Variants in NAALADL2 observed in about 807,000 individuals in gnomAD.
The protein encoded by NAALADL2 is inactive N-acetylated-alpha-linked acidic dipeptidase-like protein 2.
Under a neutral mutation model 87.2 loss-of-function variants are expected in NAALADL2, and 76 were observed. The ratio of observed to expected loss-of-function variants is 0.87; its 90% CI spans 0.72 to 1.05. The LOEUF is 1.05. NAALADL2 is among the 50% of genes least tolerant of loss of function. The pLI is 0.00. For missense variants in NAALADL2, 1,089 were observed against 945.8 expected (o/e 1.15, Z -1.99); for synonymous variants, 354 against 331.0 (o/e 1.07, Z -0.75).
At chr3:175,058,298 T>A (rs1012701147) in intron 1 of NAALADL2, among the ~76,000 whole-genome samples, 1 of 152,116 alleles carries the variant, frequency 6.6e-6, no homozygotes, top group African/African-American at 2.4e-5. Context: ...TTTTGGTTGA[T>A]TAAGTATTCA....
At chr3:175,415,579 C>T (rs1271163018) in intron 5 of NAALADL2, among the ~76,000 whole-genome samples, 1 of 151,864 alleles carries the variant, frequency 6.6e-6, no homozygotes, top group Non-Finnish European at 1.5e-5. Context: ...ATAAAAAATA[C>T]CAAACACATG....
intron 5 of NAALADL2, among the ~76,000 whole-genome samples, chr3:175,350,805 A>G (rs568646130): frequency 1.2e-3 from 186 of 152,256 alleles, no homozygotes; most frequent in Middle Eastern, 6.8e-3. Flanking sequence ...CCTCTGGGGA[A>G]ATGTGTTTGT....
At chr3:175,008,869 T>C (rs9852749) in intron 1 of NAALADL2, among the ~76,000 whole-genome samples, 24,295 of 152,070 alleles carry the variant, frequency 0.16, 2,390 homozygotes, top group African/African-American at 0.28. Context: ...GCAAACCGAG[T>C]ACCCTAAGTT....
intron 3 of NAALADL2, among the ~76,000 whole-genome samples, chr3:174,829,686 G>A (rs1378168803): frequency 4.9e-5 from 7 of 142,528 alleles, no homozygotes; most frequent in Non-Finnish European, 7.6e-5. Flanking sequence ...CTGAGGAATC[G>A]CCACACTGAC....
At chr3:175,561,195 G>C (rs980036160) in intron 9 of NAALADL2, among the ~76,000 whole-genome samples, 1 of 152,086 alleles carries the variant, frequency 6.6e-6, no homozygotes, top group Admixed American at 6.6e-5. Context: ...AGAATACAAA[G>C]ATACCAAAAT....
intron 9 of NAALADL2, among the ~76,000 whole-genome samples, chr3:175,548,536 T>C (rs1225941503): frequency 6.6e-6 from 1 of 151,984 alleles, no homozygotes; most frequent in Non-Finnish European, 1.5e-5. Context: ...CTTGCATTTG[T>C]ACCTCTGAAC....
intron 9 of NAALADL2, among the ~76,000 whole-genome samples, chr3:175,481,061 G>T (rs912565362): frequency 6.6e-6 from 1 of 151,782 alleles, no homozygotes; most frequent in African/African-American, 2.4e-5. Flanking sequence ...AATGCGATCT[G>T]TAATTTTTTC....
chr3:174,980,558 A>G (rs1163205246), intron 1 of NAALADL2, among the ~76,000 whole-genome samples: 1 of 152,196 alleles, frequency 6.6e-6, no homozygotes, highest in Non-Finnish European at 1.5e-5. Context: ...GAATCATGAA[A>G]TATTTTCCGA....
intron 10 of NAALADL2, among the ~76,000 whole-genome samples, chr3:175,621,884 G>T (rs993679904): frequency 7.9e-5 from 12 of 152,100 alleles, no homozygotes; most frequent in African/African-American, 2.9e-4. Flanking sequence ...TACCTAAGTA[G>T]ACACTGGCTG....
chr3:174,545,992 T>G lies in NAALADL2; in HGVS notation c.-183-4577T>G, dbSNP rs914040202. Among the ~76,000 whole-genome samples, 8 of 151,878 alleles carry G rather than the reference T, an allele frequency of 5.3e-5. No individual in the cohort carries two copies. The East Asian group carries it at 7.8e-4, about 15-fold the overall frequency. On this transcript the variant is annotated intron_variant, in intron 1 of 3. Transcript: ENST00000434257. ...CTGTTTCTTCCTGTTTTCCTTTTTT[T>G]CTGCTTGTTTTTTTTGGTCTTTTTC...
intron 1 of NAALADL2, among the ~76,000 whole-genome samples, chr3:175,000,860 T>C (rs1185294180): frequency 6.6e-6 from 1 of 152,202 alleles, no homozygotes; most frequent in Non-Finnish European, 1.5e-5. Context: ...TTTTTACATA[T>C]ATAGAAACTT....
intron 13 of NAALADL2, among the ~76,000 whole-genome samples, chr3:175,781,535 T>C (rs1751068449): frequency 7.3e-6 from 1 of 136,934 alleles, no homozygotes; most frequent in African/African-American, 2.8e-5. Flanking sequence ...CTAGTTTATG[T>C]ACTTACTATA....
At chr3:175,103,698 T>C (rs1722620483) in intron 2 of NAALADL2, among the ~76,000 whole-genome samples, 1 of 152,216 alleles carries the variant, frequency 6.6e-6, no homozygotes, top group South Asian at 2.1e-4. Flanking sequence ...TAAGTTCATT[T>C]AACTTATAGG....
At chr3:174,676,107 T>G (rs1727009043) in intron 2 of NAALADL2, among the ~76,000 whole-genome samples, 1 of 152,058 alleles carries the variant, frequency 6.6e-6, no homozygotes, top group South Asian at 2.1e-4. Flanking sequence ...AAGCTGATCT[T>G]AGATTTATAC....
intron 5 of NAALADL2, among the ~76,000 whole-genome samples, chr3:175,437,102 T>A (rs1330768859): frequency 2.7e-5 from 4 of 149,856 alleles, no homozygotes; most frequent in African/African-American, 9.9e-5. Context: ...ATTTATTAAA[T>A]AGGGAATCCT....
At chr3:175,200,669 A>C (rs1580897564) in intron 2 of NAALADL2, among the ~76,000 whole-genome samples, 1 of 152,170 alleles carries the variant, frequency 6.6e-6, no homozygotes, top group East Asian at 1.9e-4. Context: ...TGATTGCCTT[A>C]ATATTTCCCA....
intron 2 of NAALADL2, among the ~76,000 whole-genome samples, chr3:174,569,880 C>G (rs1714722466): frequency 6.6e-6 from 1 of 152,014 alleles, no homozygotes; most frequent in Non-Finnish European, 1.5e-5. Context: ...TATATATGAA[C>G]TACTTATTAT....
intron 3 of NAALADL2, among the ~76,000 whole-genome samples, chr3:174,825,942 G>A (rs562108279): frequency 1.3e-5 from 2 of 152,162 alleles, no homozygotes; most frequent in East Asian, 3.9e-4. Context: ...CAGGAGAATG[G>A]CGTGAACCCT....
chr3:175,065,163 C>T (rs1250335934), intron 1 of NAALADL2, among the ~76,000 whole-genome samples: 1 of 152,080 alleles, frequency 6.6e-6, no homozygotes, highest in East Asian at 1.9e-4. Context: ...CTGGGCGAGA[C>T]ATTACTATTG....
Sources: gnomAD v4.1 joint callset for allele counts (sites outside exome capture counted in the v4.1 genomes callset) on GRCh38, gnomAD v4.1.1 for gene constraint, MANE v1.5 for transcripts, NCBI Gene and HGNC (gene_info 2026-07-23, HGNC 2026-07-21) for gene names.